The following C1orf21 variants were observed in gnomAD, a reference collection of about 807,000 sequenced individuals.
C1orf21 encodes the protein chromosome 1 open reading frame 21, also known as uncharacterized protein C1orf21.
Under a neutral mutation model 18.7 loss-of-function variants are expected in C1orf21, and 3 were observed. The observed-to-expected ratio is 0.16, with a 90% confidence interval of 0.07 to 0.42. The LOEUF is 0.42. Ranked by LOEUF, C1orf21 falls within the 10% of genes least tolerant of loss-of-function variation. C1orf21 has a pLI of 0.99. For missense variants in C1orf21, 104 were observed against 143.6 expected (o/e 0.72, Z 1.41); for synonymous variants, 41 against 46.4 (o/e 0.88, Z 0.47).
chr1:184,416,795 A>G lies in C1orf21; in HGVS notation c.-125+29427A>G, dbSNP rs79549740. 4.4e-3 allele frequency among the ~76,000 whole-genome samples: 672 copies of G among 152,350 alleles called. 3 individuals are homozygous for G. Among genetic ancestry groups the G allele is most frequent in the African/African-American group, 0.015 (641 of 41,588 alleles). On this transcript the variant is annotated intron_variant, in intron 1 of 5. Coordinates refer to ENST00000235307, the MANE Select transcript of C1orf21 (RefSeq NM_030806.4). ...GGGACACAGACTTCGGAGGCAGCTC[A>G]GAAGGAAGTGTTTCAAACATAATGG... is the stretch of plus-strand genomic sequence containing the variant.
chr1:184,606,143 C>T (rs1363352327), intron 5 of C1orf21, among the ~76,000 whole-genome samples: 1 of 152,206 alleles, frequency 6.6e-6, no homozygotes, highest in Non-Finnish European at 1.5e-5. Context: ...TGCTAACTTT[C>T]GAGCTGTGAT....
rs35619860 is a variant in C1orf21 at position 184,548,409 on chromosome 1, C to CTTT, written c.189+40745_189+40747dup. ...ATTCATTTTATACCCATTGCAGACT[C>CTTT]TTTTTTTTTTTTTTTTTTTTGTTGA... On this transcript the variant is annotated intron_variant, in intron 3 of 5. Transcript: ENST00000235307. Among the ~76,000 whole-genome samples, 1,153 of 117,806 alleles carry CTTT rather than the reference C, an allele frequency of 9.8e-3. 25 individuals carry two copies. The highest frequency in any genetic ancestry group is 0.014 in the Non-Finnish European group (803 of 58,462). 77.3% of individuals were successfully genotyped at this position (117,806 alleles called of 152,430 possible).
intron 3 of C1orf21, among the ~76,000 whole-genome samples, chr1:184,530,812 C>T (rs574114250): frequency 6.6e-6 from 1 of 151,974 alleles, no homozygotes; most frequent in Non-Finnish European, 1.5e-5. Flanking sequence ...ATCACCCATA[C>T]CCTACTGAAC....
chr1:184,536,247 C>A (rs1014620767), intron 3 of C1orf21, among the ~76,000 whole-genome samples: 1 of 152,198 alleles, frequency 6.6e-6, no homozygotes, highest in Non-Finnish European at 1.5e-5. Flanking sequence ...ATTTCTTCCA[C>A]GTACAATGTT....
At chr1:184,478,312 CCTCTCT>C (rs1474626614) in intron 2 of C1orf21, among the ~76,000 whole-genome samples, 1 of 151,944 alleles carries the variant, frequency 6.6e-6, no homozygotes, top group Non-Finnish European at 1.5e-5. Context: ...CATCTTTTAA[CCTCTCT>C]CTGTTGAATC....
intron 1 of C1orf21, among the ~76,000 whole-genome samples, chr1:184,411,385 G>C (rs1040036324): frequency 4.7e-5 from 7 of 149,030 alleles, no homozygotes; most frequent in African/African-American, 1.7e-4. Context: ...TTAAGCCAAC[G>C]TAATGAAAAA....
chr1:184,552,717 C>G (rs1399199746), intron 3 of C1orf21, among the ~76,000 whole-genome samples: 2 of 151,914 alleles, frequency 1.3e-5, no homozygotes, highest in African/African-American at 2.4e-5. Flanking sequence ...AGCATTTGCT[C>G]AAAGAATGAT....
chr1:184,619,522 G>A lies in C1orf21; in HGVS notation c.332G>A (p.Arg111Gln), dbSNP rs1435929596. ...RMLDEKIEKG[R>Q]DYCSEEEDIT ...TTTTTTCTTTTTCCCTCCAAGGGTC[G>A]GGATTACTGTTCGGAAGAAGAGGAT... The change falls in exon 6 of 6, where the codon CGG becomes CAG. Residue 111 changes from arginine to glutamine, a missense_variant. Coordinates refer to ENST00000235307, the MANE Select transcript of C1orf21 (RefSeq NM_030806.4). The A allele has an allele frequency of 2.5e-6, 4 of 1,613,072 alleles. No homozygotes were observed. The highest frequency in any genetic ancestry group is 2.2e-5 in the South Asian group (2 of 90,920).
intron 5 of C1orf21, among the ~76,000 whole-genome samples, chr1:184,605,787 TAC>T (rs1432313968): frequency 3.3e-5 from 5 of 152,272 alleles, no homozygotes; most frequent in East Asian, 3.9e-4. Context: ...TTGAAGAAAA[TAC>T]ACAGAGTCTC....
chr1:184,496,084 G>A (rs1657889828), intron 2 of C1orf21, among the ~76,000 whole-genome samples: 1 of 152,068 alleles, frequency 6.6e-6, no homozygotes, highest in South Asian at 2.1e-4. Context: ...GATGTTAAAG[G>A]AGTGGCCCAC....
At chr1:184,556,371 G>C (rs566579200) in intron 3 of C1orf21, among the ~76,000 whole-genome samples, 1 of 152,264 alleles carries the variant, frequency 6.6e-6, no homozygotes, top group South Asian at 2.1e-4. Context: ...AAGAATCAGA[G>C]AGCCTCTGCT....
intron 5 of C1orf21, among the ~76,000 whole-genome samples, chr1:184,603,021 A>G (rs545071104): frequency 5.9e-5 from 9 of 152,372 alleles, no homozygotes; most frequent in African/African-American, 1.7e-4. Flanking sequence ...CAAAAGTTAC[A>G]AAGACTCTCC....
intron 3 of C1orf21, among the ~76,000 whole-genome samples, chr1:184,572,127 G>C (rs923562425): frequency 4.6e-5 from 7 of 152,142 alleles, no homozygotes; most frequent in African/African-American, 1.7e-4. Context: ...GTCAATGAGA[G>C]CTATTATTTT....
intron 3 of C1orf21, among the ~76,000 whole-genome samples, chr1:184,541,533 T>C (rs1309164173): frequency 6.6e-6 from 1 of 152,202 alleles, no homozygotes; most frequent in Non-Finnish European, 1.5e-5. Context: ...GTGACAGATA[T>C]GGATATATAT....
chr1:184,466,027 A>C (rs1425366758), intron 1 of C1orf21, among the ~76,000 whole-genome samples: 10 of 146,782 alleles, frequency 6.8e-5, no homozygotes, highest in Non-Finnish European at 1.1e-4. Context: ...TCTTTCTCTA[A>C]GTACTTTTTG....
intron 4 of C1orf21, chr1:184,592,312 A>G (rs530201683): frequency 3.3e-5 from 5 of 152,206 alleles, no homozygotes; most frequent in Non-Finnish European, 7.4e-5. Flanking sequence ...TTGAGTGCCT[A>G]ATACATTTTC....
chr1:184,509,271 A>G (rs995142180), intron 3 of C1orf21, among the ~76,000 whole-genome samples: 3 of 152,166 alleles, frequency 2.0e-5, no homozygotes, highest in Non-Finnish European at 4.4e-5. Context: ...CAGTTTTGCA[A>G]TCTGTCAACT....
At chr1:184,597,028 C>G (rs986476476) in intron 4 of C1orf21, among the ~76,000 whole-genome samples, 1 of 152,074 alleles carries the variant, frequency 6.6e-6, no homozygotes, top group Non-Finnish European at 1.5e-5. Flanking sequence ...CATAAGGAAC[C>G]TGGGAAAACT....
chr1:184,405,427 C>T (rs922086533), intron 1 of C1orf21, among the ~76,000 whole-genome samples: 3 of 152,206 alleles, frequency 2.0e-5, no homozygotes, highest in Admixed American at 2.0e-4. Context: ...AACTCCCAGT[C>T]CCAAGCCATC....
Sources: gnomAD v4.1 joint callset for allele counts (sites outside exome capture counted in the v4.1 genomes callset) on GRCh38, gnomAD v4.1.1 for gene constraint, MANE v1.5 for transcripts, NCBI Gene and HGNC (gene_info 2026-07-23, HGNC 2026-07-21) for gene names.